ROBO2: variants seen among roughly 807,000 people sequenced by gnomAD.
ROBO2 encodes the protein roundabout homolog 2.
Under a neutral mutation model 160.8 loss-of-function variants are expected in ROBO2, and 53 were observed. The observed-to-expected ratio is 0.33, with a 90% confidence interval of 0.26 to 0.41. The LOEUF (loss-of-function observed/expected upper bound fraction) is 0.41, where lower values mean the gene tolerates loss of function less well. ROBO2 is among the 10% of genes least tolerant of loss of function. The pLI, the probability that ROBO2 is intolerant of heterozygous loss-of-function variation, is 1.00. For missense variants in ROBO2, 1,577 were observed against 1,722.4 expected (o/e 0.92, Z 1.49); for synonymous variants, 664 against 611.7 (o/e 1.09, Z -1.26).
intron 2 of ROBO2, among the ~76,000 whole-genome samples, chr3:77,168,470 G>T (rs1296595512): frequency 1.3e-5 from 2 of 152,128 alleles, no homozygotes; most frequent in Non-Finnish European, 2.9e-5. Flanking sequence ...AGTCTGATTT[G>T]AAATCTTGGT....
intron 2 of ROBO2, among the ~76,000 whole-genome samples, chr3:76,677,988 G>C (rs868837075): frequency 2.4e-4 from 1 of 4,178 alleles, no homozygotes; most frequent in African/African-American, 6.1e-4. Context: ...TTTTTTTTTT[G>C]AGATAGAGTC....
chr3:77,646,388 T>C (rs1411246981), exon 26 of ROBO2: 3 of 239,176 alleles, frequency 1.3e-5, no homozygotes, highest in Non-Finnish European at 2.4e-5. Flanking sequence ...TCTGCTCATA[T>C]TATTGTCTGT....
chr3:76,348,855 T>C (rs2108264696), intron 2 of ROBO2, among the ~76,000 whole-genome samples: 1 of 152,280 alleles, frequency 6.6e-6, no homozygotes, highest in South Asian at 2.1e-4. Context: ...TTGGACAGTG[T>C]TATTATTGAA....
exon 24 of ROBO2, chr3:77,634,885 C>T (rs1464316675): frequency 1.2e-6 from 2 of 1,614,058 alleles, no homozygotes; most frequent in South Asian, 2.2e-5. Context: ...GCCTTTACCT[C>T]CTCTCAAAGA....
intron 2 of ROBO2, among the ~76,000 whole-genome samples, chr3:77,284,365 A>G (rs1003118891): frequency 1.3e-5 from 2 of 152,142 alleles, no homozygotes; most frequent in Non-Finnish European, 2.9e-5. Flanking sequence ...AAAGACACCG[A>G]TGGTGTCTAC....
At chr3:77,177,541 A>G (rs1229986069) in intron 2 of ROBO2, among the ~76,000 whole-genome samples, 1 of 151,914 alleles carries the variant, frequency 6.6e-6, no homozygotes, top group Non-Finnish European at 1.5e-5. Context: ...TATAAATGCT[A>G]TGTAACTGGT....
rs1197869514 is a variant in ROBO2 at position 76,771,209 on chromosome 3, G to A, written c.110-326805G>A. Among the ~76,000 whole-genome samples, 10 of 151,090 alleles carry A rather than the reference G, an allele frequency of 6.6e-5. No individual in the cohort carries two copies. The East Asian group carries it at 1.8e-3, about 27-fold the overall frequency. ...AACATAACCAGATTTTCAGGACTGA[G>A]GACACAAAAAAAGAGTACAAAACAT... On this transcript the variant is annotated intron_variant, in intron 2 of 26. Transcript: ENST00000487694.
chr3:77,488,888 A>T (rs1201973681), intron 4 of ROBO2, among the ~76,000 whole-genome samples: 3 of 152,236 alleles, frequency 2.0e-5, no homozygotes, highest in Admixed American at 1.3e-4. Context: ...GGTTAAGAAA[A>T]GTGGAAAATA....
chr3:77,035,595 G>A (rs1250637764), upstream of ROBO2, among the ~76,000 whole-genome samples: 3 of 151,814 alleles, frequency 2.0e-5, no homozygotes, highest in Non-Finnish European at 2.9e-5. Context: ...TACCAAAAAT[G>A]CTATTCATAA....
intron 2 of ROBO2, among the ~76,000 whole-genome samples, chr3:76,498,567 A>G (rs1168321859): frequency 6.6e-6 from 1 of 151,896 alleles, no homozygotes; most frequent in Non-Finnish European, 1.5e-5. Flanking sequence ...TGCAAGAAAT[A>G]CATAATTTTT....
chr3:76,835,458 G>T (rs2067602630), intron 2 of ROBO2, among the ~76,000 whole-genome samples: 1 of 146,906 alleles, frequency 6.8e-6, no homozygotes, highest in South Asian at 2.1e-4. Flanking sequence ...TTATATGTTT[G>T]CACATATGTG....
chr3:77,467,300 T>G, intron 2 of ROBO2, among the ~76,000 whole-genome samples: 1 of 152,310 alleles, frequency 6.6e-6, no homozygotes, highest in East Asian at 1.9e-4. Flanking sequence ...TTTAATAATT[T>G]AATTTTTGTT....
intron 2 of ROBO2, among the ~76,000 whole-genome samples, chr3:76,279,300 A>G (rs970787341): frequency 7.5e-5 from 11 of 145,934 alleles, no homozygotes; most frequent in African/African-American, 2.5e-4. Flanking sequence ...TCTTACTCAG[A>G]TATAACTTTC....
At chr3:76,734,461 A>C (rs1218146185) in intron 2 of ROBO2, among the ~76,000 whole-genome samples, 1 of 152,212 alleles carries the variant, frequency 6.6e-6, no homozygotes, top group Non-Finnish European at 1.5e-5. Context: ...TCACTGTCAC[A>C]GCTTTTAAAT....
intron 2 of ROBO2, among the ~76,000 whole-genome samples, chr3:77,269,480 T>C (rs1488039222): frequency 1.3e-5 from 2 of 152,162 alleles, no homozygotes; most frequent in African/African-American, 4.8e-5. Context: ...GTTCCTAGCA[T>C]CATTTAGAAT....
chr3:77,126,880 C>G (rs549408759), intron 2 of ROBO2, among the ~76,000 whole-genome samples: 1 of 147,774 alleles, frequency 6.8e-6, no homozygotes, highest in East Asian at 2.0e-4. Context: ...CCTCCGCCTC[C>G]CGGGTTCACG....
intron 2 of ROBO2, among the ~76,000 whole-genome samples, chr3:76,026,552 C>T (rs945038473): frequency 6.6e-6 from 1 of 151,838 alleles, no homozygotes; most frequent in African/African-American, 2.4e-5. Context: ...AGATAAAATA[C>T]ATTCATTGTA....
intron 2 of ROBO2, among the ~76,000 whole-genome samples, chr3:76,997,748 T>C (rs781055746): frequency 6.6e-6 from 1 of 152,142 alleles, no homozygotes; most frequent in Non-Finnish European, 1.5e-5. Flanking sequence ...GCTGCATAAG[T>C]ATTGACAACA....
At chr3:76,227,148 T>G (rs1704338362) in intron 2 of ROBO2, among the ~76,000 whole-genome samples, 1 of 152,232 alleles carries the variant, frequency 6.6e-6, no homozygotes. Flanking sequence ...TTCCTTTCTC[T>G]TTCTGAAAGT....
Sources: allele counts gnomAD v4.1 joint callset (sites outside exome capture counted in the v4.1 genomes callset), GRCh38; gene constraint gnomAD v4.1.1; transcripts MANE v1.5; gene names NCBI Gene and HGNC (gene_info 2026-07-23, HGNC 2026-07-21).